Variants in SGCD observed in about 807,000 individuals in gnomAD.
SGCD encodes the protein delta-sarcoglycan.
A neutral mutation model predicts 36.6 loss-of-function variants in SGCD; 18 were observed. The observed-to-expected ratio is 0.49, with a 90% CI of 0.34 to 0.73. SGCD has a LOEUF of 0.73. Among genes scored for constraint, SGCD ranks in the 30% least tolerant of loss-of-function variants. SGCD has a pLI of 0.01. For missense variants in SGCD, 387 were observed against 346.7 expected (o/e 1.12, Z -0.92); for synonymous variants, 133 against 130.6 (o/e 1.02, Z -0.12).
At chr5:155,751,920 G>A in the SGCD span, among the ~76,000 whole-genome samples, 1 of 152,142 alleles carries the variant, frequency 6.6e-6, no homozygotes, top group East Asian at 1.9e-4. Context: ...TGTGTGAACT[G>A]TGTGACCTTG....
intron 3 of SGCD, among the ~76,000 whole-genome samples, chr5:156,444,082 C>CCT (rs1753629696): frequency 9.0e-6 from 1 of 111,300 alleles, no homozygotes; most frequent in Non-Finnish European, 1.8e-5. Context: ...CTCTCTCTCT[C>CCT]TCTCTCTCTC....
At chr5:156,481,721 T>G (rs746743105) in intron 3 of SGCD, among the ~76,000 whole-genome samples, 15 of 151,876 alleles carry the variant, frequency 9.9e-5, no homozygotes, top group Non-Finnish European at 2.1e-4. Context: ...CTTACTAGGG[T>G]GAGTTATGAA....
chr5:155,957,297 G>A (rs1457221695), intron 1 of SGCD, among the ~76,000 whole-genome samples: 2 of 152,038 alleles, frequency 1.3e-5, no homozygotes, highest in African/African-American at 4.8e-5. Context: ...ATGATGTTCA[G>A]CTGAATCCTT....
chr5:156,672,287 C>T lies in SGCD; in HGVS notation c.575+24751C>T, dbSNP rs373843019. 1.6e-4 allele frequency among the ~76,000 whole-genome samples: 25 copies of T among 152,264 alleles called. No individual in the cohort carries two copies. The South Asian group carries it at 5.2e-3, about 32-fold the overall frequency. On this transcript the variant is annotated intron_variant, in intron 7 of 8. Coordinates refer to ENST00000337851, the MANE Select transcript of SGCD (RefSeq NM_000337.6). ...TTCCATTTTTAGTCCAGCACTGTTA[C>T]CCTCAGCTGTCCTGGTATCACAGAT... is the stretch of plus-strand genomic sequence containing the variant.
At chr5:156,530,287 TAA>T (rs1019366505) in intron 4 of SGCD, among the ~76,000 whole-genome samples, 14 of 152,314 alleles carry the variant, frequency 9.2e-5, no homozygotes, top group African/African-American at 3.4e-4. Context: ...TGTTTAAAAA[TAA>T]GAGAGGAATA....
At chr5:156,240,945 G>C (rs941213365) in intron 3 of SGCD, among the ~76,000 whole-genome samples, 12 of 152,238 alleles carry the variant, frequency 7.9e-5, no homozygotes, top group African/African-American at 2.9e-4. Flanking sequence ...TCTCAGATGA[G>C]ATTTTTTGGG....
intron 6 of SGCD, among the ~76,000 whole-genome samples, chr5:156,626,972 C>T (rs1762462883): frequency 1.3e-5 from 2 of 152,280 alleles, no homozygotes; most frequent in Non-Finnish European, 1.5e-5. Flanking sequence ...GGTGTGATCT[C>T]ATAGTTTGAT....
intron 3 of SGCD, among the ~76,000 whole-genome samples, chr5:156,187,018 C>G (rs574854197): frequency 2.6e-5 from 4 of 152,068 alleles, no homozygotes; most frequent in Admixed American, 2.6e-4. Context: ...TTTCTACCCT[C>G]TAGAAGCAAT....
chr5:156,361,220 G>C (rs1157040597), intron 3 of SGCD, among the ~76,000 whole-genome samples: 1 of 152,200 alleles, frequency 6.6e-6, no homozygotes, highest in Admixed American at 6.5e-5. Context: ...CCAAATAATA[G>C]GGCACCCCTG....
intron 1 of SGCD, among the ~76,000 whole-genome samples, chr5:155,985,383 G>C (rs536712500): frequency 1.3e-5 from 2 of 152,056 alleles, no homozygotes; most frequent in South Asian, 4.1e-4. Flanking sequence ...CTGTGGCCTC[G>C]AATTCTTCTT....
chr5:156,144,973 G>A (rs1016136329), intron 3 of SGCD, among the ~76,000 whole-genome samples: 2 of 152,156 alleles, frequency 1.3e-5, no homozygotes, highest in Non-Finnish European at 2.9e-5. Flanking sequence ...TGTTGGGAGG[G>A]CATGATTGTA....
intron 1 of SGCD, among the ~76,000 whole-genome samples, chr5:156,080,995 T>C (rs1760935575): frequency 6.6e-6 from 1 of 152,202 alleles, no homozygotes. Context: ...TTGCTATAAA[T>C]AAATACCTGA....
At position 156,516,421 on chromosome 5, in the gene SGCD, C is replaced by T. The variant is rs557422817; in HGVS notation, c.294+7719C>T. On this transcript the variant is annotated intron_variant, in intron 4 of 8. Coordinates refer to ENST00000337851, the MANE Select transcript of SGCD (RefSeq NM_000337.6). ...GGAGTGGCCCCCCAGCAAACTGCAG[C>T]AGCTGTACAGAAGAGGGGCCTGACT... Among the ~76,000 whole-genome samples the T allele has an allele frequency of 3.2e-4, 49 of 152,300 alleles. No individual in the cohort carries two copies. In the South Asian group the frequency reaches 8.9e-3, roughly 28 times the overall value.
At chr5:156,370,042 C>T (rs1045516840) in intron 3 of SGCD, among the ~76,000 whole-genome samples, 2 of 152,082 alleles carry the variant, frequency 1.3e-5, no homozygotes, top group Non-Finnish European at 2.9e-5. Flanking sequence ...AATGATTCAG[C>T]ATTTCATGGC....
At chr5:156,581,036 G>A (rs1180206334) in intron 4 of SGCD, among the ~76,000 whole-genome samples, 3 of 152,262 alleles carry the variant, frequency 2.0e-5, no homozygotes, top group African/African-American at 7.2e-5. Context: ...CATCTTTGTG[G>A]TTTTGTCTAT....
At chr5:155,926,254 G>A (rs896866470) in intron 1 of SGCD, among the ~76,000 whole-genome samples, 23 of 152,266 alleles carry the variant, frequency 1.5e-4, no homozygotes, top group Admixed American at 3.3e-4. Context: ...AAGATTCTCC[G>A]CAAGTTTGCT....
intron 1 of SGCD, among the ~76,000 whole-genome samples, chr5:156,086,454 C>T (rs1055617013): frequency 1.3e-5 from 2 of 152,152 alleles, no homozygotes; most frequent in African/African-American, 2.4e-5. Flanking sequence ...AAATGTTGGA[C>T]AAAATGCAAG....
intron 1 of SGCD, among the ~76,000 whole-genome samples, chr5:156,062,189 T>C (rs1280736186): frequency 3.6e-5 from 3 of 83,216 alleles, no homozygotes. Flanking sequence ...GGTGTTTGGT[T>C]TTTTGTTCTT....
At chr5:156,233,761 T>C (rs921932304) in intron 3 of SGCD, among the ~76,000 whole-genome samples, 2 of 152,266 alleles carry the variant, frequency 1.3e-5, no homozygotes, top group Non-Finnish European at 2.9e-5. Flanking sequence ...GGTGCCTGCC[T>C]ATAGTCCCAG....
Sources: allele counts gnomAD v4.1 joint callset (sites outside exome capture counted in the v4.1 genomes callset), GRCh38; gene constraint gnomAD v4.1.1; transcripts MANE v1.5; gene names NCBI Gene and HGNC (gene_info 2026-07-23, HGNC 2026-07-21).